TMEM132B: variants seen among roughly 807,000 people sequenced by gnomAD.
TMEM132B encodes transmembrane protein 132B.
Under a neutral mutation model 90.8 loss-of-function variants are expected in TMEM132B, and 18 were observed. That is an observed-to-expected ratio of 0.20 (90% CI 0.14 to 0.29). The LOEUF is 0.29. Ranked by LOEUF, TMEM132B falls within the 10% of genes least tolerant of loss-of-function variation. The pLI is 1.00. For missense variants in TMEM132B, 1,096 were observed against 1,326.8 expected (o/e 0.83, Z 2.70); for synonymous variants, 504 against 523.3 (o/e 0.96, Z 0.50).
intron 3 of TMEM132B, among the ~76,000 whole-genome samples, chr12:125,506,713 T>G (rs1230074729): frequency 1.3e-5 from 2 of 152,246 alleles, no homozygotes; most frequent in East Asian, 3.8e-4. Flanking sequence ...AGAAGTCATC[T>G]CTGACATCAA....
At chr12:125,390,281 C>A (rs1167165515) in intron 2 of TMEM132B, among the ~76,000 whole-genome samples, 1 of 152,222 alleles carries the variant, frequency 6.6e-6, no homozygotes, top group African/African-American at 2.4e-5. Context: ...ACAGTATATT[C>A]ATGCAGTGAG....
In TMEM132B at chr12:125,545,569, C is replaced by T. The variant is rs146585133; in HGVS notation, c.1293+25944C>T. Among the ~76,000 whole-genome samples the T allele has an allele frequency of 8.4e-3, 1,283 of 152,290 alleles. 9 individuals are homozygous for T. The highest frequency in any genetic ancestry group is 0.015 in the Non-Finnish European group (1,001 of 68,028). On this transcript the variant is annotated intron_variant, in intron 4 of 8. Coordinates refer to ENST00000682704, the MANE Select transcript of TMEM132B (RefSeq NM_001366854.1). ...GGTGCTGACACCGTCCTGTTTTAGC[C>T]GACCAGCATATTGCATCTCCCTGGC...
intron 3 of TMEM132B, among the ~76,000 whole-genome samples, chr12:125,473,976 T>G (rs979007082): frequency 6.6e-6 from 1 of 151,064 alleles, no homozygotes; most frequent in Non-Finnish European, 1.5e-5. Flanking sequence ...TAGCAATGTG[T>G]TTTTTTTTAA....
At chr12:125,438,366 C>T (rs191277360) in intron 3 of TMEM132B, among the ~76,000 whole-genome samples, 8 of 152,310 alleles carry the variant, frequency 5.3e-5, no homozygotes, top group Middle Eastern at 6.8e-3. Context: ...CTTCTAAGAA[C>T]CAAAGCAAAA....
At chr12:125,480,379 A>G (rs988573431) in intron 3 of TMEM132B, among the ~76,000 whole-genome samples, 5 of 152,330 alleles carry the variant, frequency 3.3e-5, no homozygotes, top group African/African-American at 1.2e-4. Context: ...AATAAAGAAG[A>G]AAAGAGAGAA....
intron 3 of TMEM132B, among the ~76,000 whole-genome samples, chr12:125,438,880 A>G (rs1880780488): frequency 1.3e-5 from 2 of 152,224 alleles, no homozygotes; most frequent in Non-Finnish European, 2.9e-5. Flanking sequence ...GTTAATCCCT[A>G]TTGATACATG....
At chr12:125,442,815 C>G (rs1330099409) in intron 3 of TMEM132B, among the ~76,000 whole-genome samples, 1 of 152,146 alleles carries the variant, frequency 6.6e-6, no homozygotes, top group African/African-American at 2.4e-5. Context: ...AAATGCATAT[C>G]TTTGTGTGAC....
chr12:125,587,533 C>T (rs1734915728), intron 5 of TMEM132B: 1 of 152,138 alleles, frequency 6.6e-6, no homozygotes, highest in African/African-American at 2.4e-5. Context: ...CCAGGTGGTC[C>T]TGGGTCTCCA....
chr12:125,545,559 C>T (rs910695016), intron 4 of TMEM132B, among the ~76,000 whole-genome samples: 1 of 152,184 alleles, frequency 6.6e-6, no homozygotes, highest in Non-Finnish European at 1.5e-5. Flanking sequence ...TGACACCGTC[C>T]TGTTTTAGCC....
At chr12:125,544,017 C>T (rs1884026052) in intron 4 of TMEM132B, among the ~76,000 whole-genome samples, 3 of 152,102 alleles carry the variant, frequency 2.0e-5, no homozygotes, top group Admixed American at 2.0e-4. Context: ...TACTATACAG[C>T]CATAAAAAGG....
At chr12:125,652,708 G>A (rs552558837) in intron 8 of TMEM132B, 76 bp downstream of exon 8, 1 of 1,488,494 alleles carries the variant, frequency 6.7e-7, no homozygotes, top group African/African-American at 1.4e-5. Flanking sequence ...CTGCGAAGGA[G>A]AGCAGGAGAG....
At chr12:125,247,831 C>A (rs1874239577) in intron 1 of TMEM132B, among the ~76,000 whole-genome samples, 1 of 152,246 alleles carries the variant, frequency 6.6e-6, no homozygotes, top group Non-Finnish European at 1.5e-5. Flanking sequence ...GCCCCCACCT[C>A]CAGATGGCAC....
At chr12:125,299,355 C>T (rs566608620) in intron 1 of TMEM132B, among the ~76,000 whole-genome samples, 37 of 152,256 alleles carry the variant, frequency 2.4e-4, no homozygotes, top group Non-Finnish European at 3.8e-4. Context: ...GCCTCCCTGG[C>T]GGCTCCTCCC....
At position 125,223,787 on chromosome 12, in the gene TMEM132B, T is replaced by A. The variant is rs559275285; in HGVS notation, c.67+36921T>A. 4.8e-4 allele frequency among the ~76,000 whole-genome samples: 73 copies of A among 150,918 alleles called. 3 individuals carry two copies. The South Asian group carries it at 0.015, about 31-fold the overall frequency. ...TGTGTCTGGCATCTTTCACTTTGTA[T>A]AATATTTTTTTTTTTCAGAGACAGA... On this transcript the variant is annotated intron_variant, in intron 1 of 8. Transcript: ENST00000682704.
At chr12:125,551,536 C>T (rs530406268) in intron 4 of TMEM132B, among the ~76,000 whole-genome samples, 132 of 150,614 alleles carry the variant, frequency 8.8e-4, no homozygotes, top group Middle Eastern at 6.4e-3. Flanking sequence ...TAATCTATTG[C>T]CTAGAGATGA....
chr12:125,202,585 T>C (rs1427431753), intron 1 of TMEM132B, among the ~76,000 whole-genome samples: 2 of 152,260 alleles, frequency 1.3e-5, no homozygotes, highest in Admixed American at 6.5e-5. Flanking sequence ...TTCCTGTCCC[T>C]GGGGCCCTCT....
intron 2 of TMEM132B, among the ~76,000 whole-genome samples, chr12:125,403,695 A>G (rs77206943): frequency 6.6e-6 from 1 of 152,246 alleles, no homozygotes; most frequent in South Asian, 2.1e-4. Flanking sequence ...GAAAATGTCA[A>G]TAGTTTGGTT....
At chr12:125,606,856 C>T (rs1885708949) in intron 5 of TMEM132B, among the ~76,000 whole-genome samples, 2 of 152,130 alleles carry the variant, frequency 1.3e-5, no homozygotes, top group African/African-American at 4.8e-5. Flanking sequence ...AGCTTCTGTC[C>T]CAGAAGACCT....
intron 3 of TMEM132B, among the ~76,000 whole-genome samples, chr12:125,503,064 G>A (rs1289146907): frequency 6.6e-6 from 1 of 152,222 alleles, no homozygotes. Context: ...TCATTAGGGT[G>A]CATCGGCTGT....
Sources: gnomAD v4.1 joint callset for allele counts (sites outside exome capture counted in the v4.1 genomes callset) on GRCh38, gnomAD v4.1.1 for gene constraint, MANE v1.5 for transcripts, NCBI Gene and HGNC (gene_info 2026-07-23, HGNC 2026-07-21) for gene names.